Variants in ATP6V0A1 observed in about 807,000 individuals in gnomAD.
The protein encoded by ATP6V0A1 is ATPase H+ transporting V0 subunit a1.
In ATP6V0A1, 43 loss-of-function variants were observed where a neutral mutation model predicts 105.4. The observed-to-expected ratio is 0.41, with a 90% confidence interval of 0.32 to 0.53. The LOEUF (loss-of-function observed/expected upper bound fraction) is 0.53. ATP6V0A1 is among the 20% of genes least tolerant of loss of function. ATP6V0A1 has a pLI of 0.30. For missense variants in ATP6V0A1, 676 were observed against 1,051.1 expected (o/e 0.64, Z 4.93); for synonymous variants, 362 against 372.8 (o/e 0.97, Z 0.33).
chr17:42,474,161 C>T (rs1214808196), intron 5 of ATP6V0A1, among the ~76,000 whole-genome samples: 3 of 151,972 alleles, frequency 2.0e-5, no homozygotes, highest in Non-Finnish European at 4.4e-5. Context: ...TACCACCATG[C>T]CCAGCTAATT....
chr17:42,513,776 C>T, intron 19 of ATP6V0A1, 85 bp from the exon 20 acceptor site: 1 of 1,336,812 alleles, frequency 7.5e-7, no homozygotes, highest in Non-Finnish European at 1.1e-6. Context: ...GGCCCAGGTT[C>T]AAAGCGCCAA....
chr17:42,470,207 T>C lies in ATP6V0A1; in HGVS notation c.412T>C (p.Phe138Leu), dbSNP rs781021955. ...LKFILRKTQQFFDEMADPDLL... is the reference protein window; with the variant it reads ...LKFILRKTQQLFDEMADPDLL... ...ATTTATACTTCGCAAAACTCAGCAA[T>C]TTTTTGATGAGGTCAGACTATTGTT... The change falls in exon 5 of 22, where the codon TTT becomes CTT. Residue 138 changes from phenylalanine (F) to leucine (L), a missense_variant. Around this residue, in one of 3 missense-constraint regions of ATP6V0A1, gnomAD observed 239 missense variants for 388.4 expected, o/e 0.62. Transcript: ENST00000343619. 7.4e-6 allele frequency: 12 copies of C among 1,612,808 alleles called. No homozygotes were observed. In the South Asian group the frequency reaches 1.1e-4, roughly 15 times the overall value.
At chr17:42,488,739 G>A (rs2090342833) in intron 10 of ATP6V0A1, among the ~76,000 whole-genome samples, 1 of 151,552 alleles carries the variant, frequency 6.6e-6, no homozygotes, top group Non-Finnish European at 1.5e-5. Flanking sequence ...TTGGGGCCAG[G>A]CGTGGTGACT....
intron 1 of ATP6V0A1, among the ~76,000 whole-genome samples, chr17:42,459,449 G>C (rs2086144468): frequency 6.6e-6 from 1 of 152,228 alleles, no homozygotes; most frequent in African/African-American, 2.4e-5. Context: ...CAGAATTGCT[G>C]TTTCTTCATA....
At chr17:42,479,453 C>A (rs2089215110) in intron 7 of ATP6V0A1, among the ~76,000 whole-genome samples, 1 of 152,328 alleles carries the variant, frequency 6.6e-6, no homozygotes. Flanking sequence ...TCGTCTAAAC[C>A]TGCATTTAGG....
intron 5 of ATP6V0A1, among the ~76,000 whole-genome samples, chr17:42,477,150 G>A (rs571433415): frequency 6.6e-6 from 1 of 152,306 alleles, no homozygotes; most frequent in South Asian, 2.1e-4. Flanking sequence ...CTTGGAAAGA[G>A]AGCCTCTATC....
intron 9 of ATP6V0A1, among the ~76,000 whole-genome samples, chr17:42,484,281 T>G (rs1187986649): frequency 1.3e-5 from 2 of 151,930 alleles, no homozygotes; most frequent in Non-Finnish European, 2.9e-5. Context: ...ATGATCTCGA[T>G]CTCCTGACCG....
In ATP6V0A1 at chr17:42,487,329, G is replaced by T; in HGVS notation, c.985G>T (p.Asp329Tyr). 6.2e-7 allele frequency: 1 copy of T among 1,614,092 alleles called. No individual in the cohort carries two copies. Among genetic ancestry groups the T allele is most frequent in the South Asian group, 1.1e-5 (1 of 91,062 alleles). ...LIAEVWCPVT[D>Y]LDSIQFALRR... is the part of the protein sequence containing the mutation. Reference sequence around the variant, plus strand: ...TGCAGAGGTCTGGTGCCCTGTCACCGACCTTGACTCCATCCAGTTTGCACT... The same window carrying T: ...TGCAGAGGTCTGGTGCCCTGTCACCTACCTTGACTCCATCCAGTTTGCACT... The change falls in exon 10 of 22, where the codon GAC becomes TAC. Residue 329 changes from aspartate (D) to tyrosine (Y), a missense_variant. Asp to Tyr is a radical substitution (Grantham distance 160). Around this residue, in one of 3 missense-constraint regions of ATP6V0A1, gnomAD observed 435 missense variants for 642.2 expected, o/e 0.68. Coordinates refer to ENST00000343619, the MANE Select transcript of ATP6V0A1 (RefSeq NM_001130021.3).
intron 8 of ATP6V0A1, among the ~76,000 whole-genome samples, chr17:42,482,773 T>C (rs370032332): frequency 3.1e-4 from 47 of 151,758 alleles, no homozygotes; most frequent in East Asian, 2.7e-3. Flanking sequence ...GGCAGGCGCC[T>C]ATAATCCCAG....
chr17:42,494,155 A>C (rs2090929550), intron 11 of ATP6V0A1, among the ~76,000 whole-genome samples, 179 bp from the exon 12 acceptor site: 1 of 151,992 alleles, frequency 6.6e-6, no homozygotes, highest in South Asian at 2.1e-4. Flanking sequence ...AGGCAGGAGA[A>C]TCACTTGAAC....
chr17:42,490,899 G>C (rs1430345837), intron 11 of ATP6V0A1, among the ~76,000 whole-genome samples: 1 of 151,880 alleles, frequency 6.6e-6, no homozygotes, highest in African/African-American at 2.4e-5. Context: ...TCATTCTGTT[G>C]CCTAGGCTGT....
chr17:42,482,947 T>C (rs921471668), intron 8 of ATP6V0A1, 91 bp from the exon 9 acceptor site: 1 of 615,346 alleles, frequency 1.6e-6, no homozygotes, highest in Non-Finnish European at 2.4e-6. Context: ...TCTGACCTAA[T>C]CCTGTTTTGG....
intron 4 of ATP6V0A1, among the ~76,000 whole-genome samples, chr17:42,469,208 C>T (rs562707073): frequency 1.9e-4 from 29 of 151,784 alleles, no homozygotes; most frequent in African/African-American, 7.0e-4. Context: ...GTAGACTTCT[C>T]AGTAATTATT....
In ATP6V0A1 at chr17:42,499,028, T is replaced by C. The variant is rs763897972; in HGVS notation, c.1665T>C (p.Ser555=). 3 of 1,604,766 alleles carry C rather than the reference T, an allele frequency of 1.9e-6. No individual in the cohort carries two copies. Among genetic ancestry groups the C allele is most frequent in the Non-Finnish European group, 2.6e-6 (3 of 1,171,678 alleles). ...ATATGCTGTTTGGAGTCAGCCTGAGTCTGTTCAACCATATGTGAGTTGTTC... is the reference window on the plus strand; with the variant it reads ...ATATGCTGTTTGGAGTCAGCCTGAGCCTGTTCAACCATATGTGAGTTGTTC... ...IIHMLFGVSL[S]LFNHIYFKKP... Residue 555 remains serine, a synonymous_variant, in exon 15 of 22, where the codon AGT becomes AGC. Coordinates refer to ENST00000343619, the MANE Select transcript of ATP6V0A1 (RefSeq NM_001130021.3).
rs773530323 is a variant in ATP6V0A1, at chr17:42,507,510, A to T, written c.2005-10A>T. On this transcript the variant is annotated splice_polypyrimidine_tract_variant and intron_variant, in intron 17 of 21. Transcript: ENST00000343619. ...CAGGCAAATTCTACTCTTTCTGTTC[A>T]TCTGTGTAGGGAACTCTCAACTTTG... 3 of 1,591,742 alleles carry T rather than the reference A, an allele frequency of 1.9e-6. No homozygotes were observed. Among genetic ancestry groups the T allele is most frequent in the Non-Finnish European group, 1.7e-6 (2 of 1,162,208 alleles).
chr17:42,462,218 A>AC (rs1255589929), intron 2 of ATP6V0A1, among the ~76,000 whole-genome samples: 1 of 150,932 alleles, frequency 6.6e-6, no homozygotes, highest in African/African-American at 2.4e-5. Context: ...CTGTCTCAAA[A>AC]CCAAAAAAAA....
intron 21 of ATP6V0A1, chr17:42,519,470 G>C (rs1020071810): frequency 2.0e-4 from 30 of 152,314 alleles, no homozygotes; most frequent in African/African-American, 7.2e-4. Flanking sequence ...AATGAAAAGG[G>C]GACATGTAAA....
intron 5 of ATP6V0A1, 46 bp downstream of exon 5, chr17:42,470,264 T>C (rs1332738929): frequency 6.3e-7 from 1 of 1,598,240 alleles, no homozygotes; most frequent in African/African-American, 1.3e-5. Context: ...GATATTATAC[T>C]CACACAAGTG....
At chr17:42,507,734 T>C in intron 18 of ATP6V0A1, 107 bp downstream of exon 18, 2 of 955,258 alleles carry the variant, frequency 2.1e-6, no homozygotes, top group Non-Finnish European at 3.4e-6. Flanking sequence ...ATAAAAATAC[T>C]AATTAATATT....
Sources: gnomAD v4.1 joint callset for allele counts (sites outside exome capture counted in the v4.1 genomes callset) on GRCh38, gnomAD v4.1.1 for gene constraint, gnomAD v4.1.1 regional missense constraint, MANE v1.5 for transcripts, NCBI Gene and HGNC (gene_info 2026-07-23, HGNC 2026-07-21) for gene names.